Variants in SNAP29 observed in about 807,000 individuals in gnomAD.
SNAP29 encodes synaptosomal-associated protein 29.
In SNAP29, 13 loss-of-function variants were observed where a neutral mutation model predicts 27.9. That is an observed-to-expected ratio of 0.47 (90% CI 0.30 to 0.74). The LOEUF is 0.74. SNAP29 is among the 30% of genes least tolerant of loss of function. The pLI is 0.06. For missense variants in SNAP29, 368 were observed against 336.5 expected (o/e 1.09, Z -0.73); for synonymous variants, 119 against 127.1 (o/e 0.94, Z 0.43).
At chr22:20,884,533 C>G (rs1274029068) in intron 4 of SNAP29, among the ~76,000 whole-genome samples, 1 of 152,164 alleles carries the variant, frequency 6.6e-6, no homozygotes, top group African/African-American at 2.4e-5. Flanking sequence ...TCCCCCGACT[C>G]TCTGTAGGCT....
At chr22:20,873,996 C>T (rs1168494116) in intron 2 of SNAP29, among the ~76,000 whole-genome samples, 2 of 116,324 alleles carry the variant, frequency 1.7e-5, no homozygotes, top group Non-Finnish European at 3.6e-5. Flanking sequence ...AAAAAAAAGG[C>T]CGGGCATGGT....
At chr22:20,883,819 C>T (rs1928949043) in intron 4 of SNAP29, among the ~76,000 whole-genome samples, 1 of 152,150 alleles carries the variant, frequency 6.6e-6, no homozygotes, top group African/African-American at 2.4e-5. Flanking sequence ...ACCCAGGAGT[C>T]CCTGAGAGGC....
intron 4 of SNAP29, among the ~76,000 whole-genome samples, chr22:20,885,016 C>T (rs902973880): frequency 6.6e-5 from 10 of 152,130 alleles, no homozygotes; most frequent in Non-Finnish European, 1.2e-4. Flanking sequence ...CTCAGGTGAC[C>T]CGCCTGTCTC....
rs575819778 is a variant in SNAP29, at chr22:20,871,837, A to G, written c.434+1304A>G. On this transcript the variant is annotated intron_variant, in intron 2 of 4. Coordinates refer to ENST00000215730, the MANE Select transcript of SNAP29 (RefSeq NM_004782.4). Reference sequence around the variant, plus strand: ...GTGGAGCTTGCAGTGAGCTGAGATCATGCCACTGCACTGCAGCCTGGGCGA... The same window carrying G: ...GTGGAGCTTGCAGTGAGCTGAGATCGTGCCACTGCACTGCAGCCTGGGCGA... Among the ~76,000 whole-genome samples the G allele has an allele frequency of 1.7e-3, 261 of 152,176 alleles. 2 individuals carry two copies. The highest frequency in any genetic ancestry group is 6.1e-3 in the African/African-American group (252 of 41,512).
intron 1 of SNAP29, among the ~76,000 whole-genome samples, chr22:20,862,473 G>C (rs1050734933): frequency 4.6e-5 from 7 of 152,176 alleles, no homozygotes; most frequent in Admixed American, 6.5e-5. Flanking sequence ...TGATAGACTG[G>C]GTGTGTTAGA....
intron 1 of SNAP29, among the ~76,000 whole-genome samples, chr22:20,868,221 C>T (rs1402848778): frequency 1.3e-5 from 2 of 152,124 alleles, no homozygotes; most frequent in African/African-American, 2.4e-5. Context: ...GAAAACTAGC[C>T]CTTGCAAGAT....
rs1288915925 is a variant in SNAP29 at position 20,860,952 on chromosome 22, G to A, written c.237+1605G>A. 4.0e-5 allele frequency among the ~76,000 whole-genome samples: 6 copies of A among 151,868 alleles called. No individual in the cohort carries two copies. In the East Asian group the frequency reaches 1.2e-3, roughly 30 times the overall value. Reference sequence around the variant, plus strand: ...CTGAGGAGGCTGAGGCAGGAGGACCGCTTGAGCCCAGGATGTCAAGGTTGC... The same window carrying A: ...CTGAGGAGGCTGAGGCAGGAGGACCACTTGAGCCCAGGATGTCAAGGTTGC... On this transcript the variant is annotated intron_variant, in intron 1 of 4. Transcript: ENST00000215730.
At chr22:20,886,026 C>T (rs867999887) in intron 4 of SNAP29, among the ~76,000 whole-genome samples, 5 of 152,174 alleles carry the variant, frequency 3.3e-5, no homozygotes, top group Non-Finnish European at 5.9e-5. Flanking sequence ...CCTCCTGAGG[C>T]CTGAGGCAAC....
chr22:20,890,435 G>T lies in SNAP29; in HGVS notation c.*2599G>T. On this transcript the variant is annotated 3_prime_UTR_variant, in exon 5 of 5. Coordinates refer to ENST00000215730, the MANE Select transcript of SNAP29 (RefSeq NM_004782.4). ...CAAAAAATGACTTTTCTAACTTAAG[G>T]TTGGTTATATGTTAAGTGTGCTACT... 2.5e-6 allele frequency: 1 copy of T among 398,376 alleles called. No individual in the cohort carries two copies. The highest frequency in any genetic ancestry group is 4.4e-6 in the Non-Finnish European group (1 of 225,962). The allele number at this position is 398,376 out of a possible 1,614,324, so 24.7% of individuals were successfully genotyped here. A position where few individuals can be genotyped will look rare whatever the true frequency, so the allele number is the denominator to read the frequency against.
chr22:20,866,734 C>G (rs1928468986), intron 1 of SNAP29, among the ~76,000 whole-genome samples: 1 of 152,148 alleles, frequency 6.6e-6, no homozygotes, highest in African/African-American at 2.4e-5. Context: ...GCCTGGTGCC[C>G]TTGCCCCACC....
intron 1 of SNAP29, among the ~76,000 whole-genome samples, chr22:20,868,595 G>A (rs548806495): frequency 3.8e-4 from 57 of 149,112 alleles, no homozygotes; most frequent in African/African-American, 1.3e-3. Flanking sequence ...TTGTTTTTAG[G>A]CATCAAGAGA....
chr22:20,882,835 A>G (rs1928919490), intron 3 of SNAP29, among the ~76,000 whole-genome samples: 3 of 152,220 alleles, frequency 2.0e-5, no homozygotes, highest in Admixed American at 2.0e-4. Context: ...TGCTAAGTCT[A>G]GAAAGTGAAG....
At chr22:20,875,761 C>T (rs1928725787) in intron 2 of SNAP29, among the ~76,000 whole-genome samples, 1 of 152,084 alleles carries the variant, frequency 6.6e-6, no homozygotes, top group South Asian at 2.1e-4. Flanking sequence ...TGAAGATCAG[C>T]CTGGGCAACA....
intron 1 of SNAP29, among the ~76,000 whole-genome samples, chr22:20,861,519 C>T (rs1400514240): frequency 6.6e-6 from 1 of 151,812 alleles, no homozygotes; most frequent in Non-Finnish European, 1.5e-5. Context: ...CTCACTGCAA[C>T]CTCCACCTCC....
intron 2 of SNAP29, 51 bp from the exon 3 acceptor site, chr22:20,880,998 A>C: frequency 8.6e-7 from 1 of 1,160,934 alleles, no homozygotes; most frequent in Non-Finnish European, 1.3e-6. Flanking sequence ...ACATTGTCAT[A>C]GGGGTTTTTC....
chr22:20,883,841 G>A (rs1041584009), intron 4 of SNAP29, among the ~76,000 whole-genome samples: 1 of 152,110 alleles, frequency 6.6e-6, no homozygotes, highest in Non-Finnish European at 1.5e-5. Flanking sequence ...ATAAAGTATA[G>A]CCTGGACGTG....
At position 20,887,168 on chromosome 22, in the gene SNAP29, T is replaced by C. The variant is rs980775400; in HGVS notation, c.620-511T>C. On this transcript the variant is annotated intron_variant, in intron 4 of 4. Transcript: ENST00000215730. ...TGAACCCAGGAGACGGAGGTTGCAG[T>C]GAGCCGAGATCATGGCACTGCACTC... Among the ~76,000 whole-genome samples, 4 of 150,202 alleles carry C rather than the reference T, an allele frequency of 2.7e-5. No homozygotes were observed. The South Asian group carries it at 8.4e-4, about 32-fold the overall frequency.
At position 20,883,933 on chromosome 22, in the gene SNAP29, G is replaced by A. The variant is rs118129545; in HGVS notation, c.619+364G>A. ...AAATGGGCTACCTCTGAGAACAGTG[G>A]AAAGGTTACCTGAGCCAGAAAGTGC... On this transcript the variant is annotated intron_variant, in intron 4 of 4. Transcript: ENST00000215730. 7.9e-3 allele frequency among the ~76,000 whole-genome samples: 1,209 copies of A among 152,254 alleles called. 11 individuals carry two copies. Among genetic ancestry groups the A allele is most frequent in the East Asian group, 0.055 (285 of 5,180 alleles).
chr22:20,872,377 A>C (rs377342710), intron 2 of SNAP29, among the ~76,000 whole-genome samples: 137 of 151,250 alleles, frequency 9.1e-4, no homozygotes, highest in African/African-American at 3.0e-3. Flanking sequence ...AGTAGCTGGG[A>C]TCACAGGTGC....
Sources: gnomAD v4.1 joint callset for allele counts (sites outside exome capture counted in the v4.1 genomes callset) on GRCh38, gnomAD v4.1.1 for gene constraint, MANE v1.5 for transcripts, NCBI Gene and HGNC (gene_info 2026-07-23, HGNC 2026-07-21) for gene names.